Variants in GALNT9 observed in about 807,000 individuals in gnomAD.
The protein encoded by GALNT9 is polypeptide N-acetylgalactosaminyltransferase 9.
GALNT9 carries 47 observed loss-of-function variants against 63.1 expected under a neutral mutation model. The observed-to-expected ratio is 0.75, with a 90% CI of 0.59 to 0.95. The LOEUF (loss-of-function observed/expected upper bound fraction) is 0.95, where lower values mean the gene tolerates loss of function less well. Ranked by LOEUF, GALNT9 falls within the 40% of genes least tolerant of loss-of-function variation. The probability of loss-of-function intolerance (pLI) is 0.00; values close to 1 mark genes in which losing one functional copy is unlikely to be tolerated. For missense variants in GALNT9, 829 were observed against 874.8 expected (o/e 0.95, Z 0.66); for synonymous variants, 396 against 365.7 (o/e 1.08, Z -0.94).
At chr12:132,314,411 A>G (rs1425823432) in intron 1 of GALNT9, among the ~76,000 whole-genome samples, 4 of 152,062 alleles carry the variant, frequency 2.6e-5, no homozygotes, top group African/African-American at 9.7e-5. Context: ...CTTCATATGC[A>G]CCATCTTGTC....
chr12:132,282,064 C>T lies in GALNT9; in HGVS notation c.419+4186G>A, dbSNP rs1437372183. ...AGGAATCAGCTCCACTGCAGCAAGC[C>T]CAGGCCTGGGGGTCCCTGATCCCAC... On this transcript the variant is annotated intron_variant, in intron 2 of 10. Coordinates refer to ENST00000328957, the MANE Select transcript of GALNT9 (RefSeq NM_001122636.2). This position sits in a 1 kb window ranked among gnomAD's most constrained non-coding sequence, Gnocchi z 4.5. Among the ~76,000 whole-genome samples, 3 of 146,060 alleles carry T rather than the reference C, an allele frequency of 2.1e-5. No homozygotes were observed. The highest frequency in any genetic ancestry group is 3.0e-5 in the Non-Finnish European group (2 of 67,506).
chr12:132,321,403 G>A (rs552244107), intron 1 of GALNT9, among the ~76,000 whole-genome samples: 19 of 152,242 alleles, frequency 1.2e-4, no homozygotes, highest in Non-Finnish European at 2.1e-4. Context: ...CTAGTGAGAC[G>A]GGCACCACCA....
chr12:132,316,009 C>T lies in GALNT9; in HGVS notation c.238+12957G>A, dbSNP rs1281023331. 6.6e-6 allele frequency among the ~76,000 whole-genome samples: 1 copy of T among 152,200 alleles called. No homozygotes were observed. The highest frequency in any genetic ancestry group is 1.5e-5 in the Non-Finnish European group (1 of 68,020). On this transcript the variant is annotated intron_variant, in intron 1 of 10. Transcript: ENST00000328957. The surrounding 1 kb of genome is among the most constrained non-coding windows in gnomAD (Gnocchi z 4.3). ...GGGACGCGGGGTCCTGGAGAGGGCA[C>T]GGCAGGCAGGCAGCCCCCGAAACGG...
intron 6 of GALNT9, among the ~76,000 whole-genome samples, chr12:132,243,459 C>T: frequency 9.6e-6 from 1 of 103,910 alleles, no homozygotes; most frequent in Non-Finnish European, 2.1e-5. Context: ...GGGGGCCCCA[C>T]CTGGCCGACC....
At chr12:132,226,569 C>A in intron 6 of GALNT9, among the ~76,000 whole-genome samples, 1 of 143,554 alleles carries the variant, frequency 7.0e-6, no homozygotes, top group South Asian at 2.3e-4. Context: ...ATATACACAC[C>A]CACATACACC....
At chr12:132,302,094 C>A (rs1332958743) in intron 1 of GALNT9, among the ~76,000 whole-genome samples, 1 of 152,160 alleles carries the variant, frequency 6.6e-6, no homozygotes, top group Non-Finnish European at 1.5e-5. Context: ...TTTCATGAAT[C>A]TTGGTGCCAA....
At chr12:132,308,563 G>A (rs1593119213) in intron 1 of GALNT9, among the ~76,000 whole-genome samples, 1 of 152,132 alleles carries the variant, frequency 6.6e-6, no homozygotes, top group Non-Finnish European at 1.5e-5. Flanking sequence ...CCCCACGAAC[G>A]CAGGGTGGGC....
chr12:132,289,978 C>T (rs534925195), intron 1 of GALNT9, among the ~76,000 whole-genome samples: 3 of 152,310 alleles, frequency 2.0e-5, no homozygotes, highest in South Asian at 2.1e-4. Context: ...GCCTCAGATC[C>T]GATCTTCTTC....
At chr12:132,201,328 A>T (rs1876085638) in intron 7 of GALNT9, 67 bp from the exon 8 acceptor site, 1 of 1,121,116 alleles carries the variant, frequency 8.9e-7, no homozygotes, top group East Asian at 2.4e-5. Flanking sequence ...CCCCATAATG[A>T]GGTTGGGGGT....
In GALNT9 at chr12:132,197,222, C is replaced by T. The variant is rs199840809; in HGVS notation, c.1697G>A (p.Arg566His). ...SGPIVSRATG[R>H]CLEVEMSKDA... ...TTTGGACATCTCCACCTCCAGGCAG[C>T]GGCCCGTGGCCCGGCTCACAATGGG... is the stretch of plus-strand genomic sequence containing the variant. The change falls in exon 11 of 11, where the codon CGC (arginine) becomes CAC (histidine). Residue 566 changes from arginine to histidine, a missense_variant. By Grantham distance (29) the Arg-to-His change is conservative. Transcript: ENST00000328957. 58 of 1,613,410 alleles carry T rather than the reference C, an allele frequency of 3.6e-5. No homozygotes were observed. Among genetic ancestry groups the T allele is most frequent in the South Asian group, 4.4e-5 (4 of 91,086 alleles).
At chr12:132,243,350 G>C (rs1202503046) in intron 6 of GALNT9, among the ~76,000 whole-genome samples, 1 of 96,194 alleles carries the variant, frequency 1.0e-5, no homozygotes, top group South Asian at 4.5e-4. Flanking sequence ...GGCCATCAGG[G>C]CCCCCAGTGG....
At chr12:132,203,233 G>T (rs1002055653) in intron 7 of GALNT9, among the ~76,000 whole-genome samples, 1 of 152,154 alleles carries the variant, frequency 6.6e-6, no homozygotes, top group African/African-American at 2.4e-5. Context: ...TTCTAACCAC[G>T]GGGCAATTGC....
At position 132,262,588 on chromosome 12, in the gene GALNT9, C is replaced by A. The variant is rs1025540573; in HGVS notation, c.457G>T (p.Val153Phe). The change falls in exon 3 of 11, where the codon GTC (valine) becomes TTC (phenylalanine). Residue 153 changes from valine (V) to phenylalanine (F), a missense_variant. Transcript: ENST00000328957. ...TTGACGAAGATGAAGACCACGGAGA[C>A]CTGGGGCAGGTCCTGGGCGTAGCTC... ...QMSYAQDLPQ[V>F]SVVFIFVNEA... is the part of the protein sequence containing the mutation. 3 of 1,551,390 alleles carry A rather than the reference C, an allele frequency of 1.9e-6. No individual in the cohort carries two copies. The highest frequency in any genetic ancestry group is 2.6e-6 in the Non-Finnish European group (3 of 1,146,828).
chr12:132,219,257 G>A lies in GALNT9; in HGVS notation c.1078-15567C>T, dbSNP rs191046345. On this transcript the variant is annotated intron_variant, in intron 6 of 10. Transcript: ENST00000328957. ...GACCCAGGCCCGCTGCAGCTGTGAC[G>A]GATGAAATGGTGGGGAAGACATTGG... Among the ~76,000 whole-genome samples, 276 of 152,330 alleles carry A rather than the reference G, an allele frequency of 1.8e-3. 1 individual carries two copies. The highest frequency in any genetic ancestry group is 6.5e-3 in the African/African-American group (271 of 41,568).
In GALNT9 at chr12:132,267,802, C is replaced by T. The variant is rs1257491056; in HGVS notation, c.420-5177G>A. Among the ~76,000 whole-genome samples, 4 of 143,102 alleles carry T rather than the reference C, an allele frequency of 2.8e-5. 1 individual carries two copies. The East Asian group carries it at 7.9e-4, about 28-fold the overall frequency. The allele number at this position is 143,102 out of a possible 152,430, so 93.9% of individuals were successfully genotyped here. A position where few individuals can be genotyped will look rare whatever the true frequency, so the allele number is the denominator to read the frequency against. ...ACACGCACACACACGCACTCACACG[C>T]ACTCACACACGCACTCACACATGCA... is the stretch of plus-strand genomic sequence containing the variant. On this transcript the variant is annotated intron_variant, in intron 2 of 10. Transcript: ENST00000328957.
intron 7 of GALNT9, among the ~76,000 whole-genome samples, chr12:132,202,347 G>A (rs181967114): frequency 7.2e-5 from 11 of 152,272 alleles, no homozygotes; most frequent in Middle Eastern, 3.4e-3. Context: ...CCCTCTTCTC[G>A]TCTCTCAGAC....
chr12:132,300,250 C>T, intron 1 of GALNT9, among the ~76,000 whole-genome samples: 1 of 143,970 alleles, frequency 6.9e-6, no homozygotes, highest in African/African-American at 2.6e-5. Flanking sequence ...AACCCACTCC[C>T]ATGATAACTA....
At chr12:132,230,691 C>T (rs991363165) in intron 6 of GALNT9, among the ~76,000 whole-genome samples, 1 of 152,228 alleles carries the variant, frequency 6.6e-6, no homozygotes, top group Non-Finnish European at 1.5e-5. Flanking sequence ...GAGGCCCGGT[C>T]CTCCTGTAGC....
intron 1 of GALNT9, among the ~76,000 whole-genome samples, chr12:132,324,118 AAGG>A (rs1453116586): frequency 1.3e-5 from 2 of 152,240 alleles, no homozygotes; most frequent in African/African-American, 4.8e-5. Context: ...ACTTCCTAGC[AAGG>A]AGAATTTCTC....
Sources: allele counts gnomAD v4.1 joint callset (sites outside exome capture counted in the v4.1 genomes callset), GRCh38; gene constraint gnomAD v4.1.1; non-coding constraint Gnocchi (gnomAD v3.1); transcripts MANE v1.5; gene names NCBI Gene and HGNC (gene_info 2026-07-23, HGNC 2026-07-21).